The following PCDHGA1 variants were observed in gnomAD, a reference collection of about 807,000 sequenced individuals.
PCDHGA1 encodes protocadherin gamma-A1.
A neutral mutation model predicts 58.0 loss-of-function variants in PCDHGA1; 32 were observed. The observed-to-expected ratio is 0.55, with a 90% CI of 0.42 to 0.74. PCDHGA1 has a LOEUF of 0.74. Among genes scored for constraint, PCDHGA1 ranks in the 30% least tolerant of loss-of-function variants. PCDHGA1 has a pLI of 0.00. For missense variants in PCDHGA1, 1,205 were observed against 1,182.3 expected, an observed-to-expected ratio of 1.02 and a Z score of -0.28; for synonymous variants, 498 against 501.1, an observed-to-expected ratio of 0.99 and a Z score of 0.08.
At chr5:141,404,196 C>T in intron 1 of PCDHGA1, 3 of 1,613,466 alleles carry the variant, frequency 1.9e-6, no homozygotes, top group Non-Finnish European at 1.7e-6. Context: ...CGAGAAAAAG[C>T]CTCAGAATAT....
intron 1 of PCDHGA1, among the ~76,000 whole-genome samples, chr5:141,445,429 C>G (rs974775529): frequency 2.6e-5 from 4 of 152,200 alleles, no homozygotes; most frequent in Non-Finnish European, 5.9e-5. Flanking sequence ...ATGCAAGGCA[C>G]TGACCTATGG....
chr5:141,375,655 G>C (rs117560542), intron 1 of PCDHGA1: 2 of 1,614,128 alleles, frequency 1.2e-6, no homozygotes, highest in African/African-American at 2.7e-5. Context: ...ACTATGAGCA[G>C]TTGAGAGACC....
intron 1 of PCDHGA1, chr5:141,484,858 T>A: frequency 4.1e-6 from 1 of 245,806 alleles, no homozygotes; most frequent in Non-Finnish European, 7.8e-6. Context: ...TTTTGGGGGG[T>A]GGGGGAGCGT....
chr5:141,333,582 A>T (rs1355240387), intron 1 of PCDHGA1: 1 of 184,458 alleles, frequency 5.4e-6, no homozygotes, highest in Non-Finnish European at 1.1e-5. Flanking sequence ...ACATTTGAAG[A>T]GGTGAAGATT....
chr5:141,464,271 A>AT (rs1336006891), intron 1 of PCDHGA1, among the ~76,000 whole-genome samples: 1 of 136,538 alleles, frequency 7.3e-6, no homozygotes, highest in Non-Finnish European at 1.5e-5. Flanking sequence ...TCTAAAAAAA[A>AT]AAAAAAGCAA....
chr5:141,342,110 CT>C (rs3840508), intron 1 of PCDHGA1: 131,286 of 151,964 alleles, frequency 0.86, 56,847 homozygotes, highest in Non-Finnish European at 0.88. Context: ...CAGGTTTCTC[CT>C]TTTTTTTTAT....
chr5:141,339,793 C>T lies in PCDHGA1; in HGVS notation c.2421+6688C>T, dbSNP rs1319429933. The T allele has an allele frequency of 4.3e-6, 7 of 1,614,084 alleles. No individual in the cohort carries two copies. The African/African-American group carries it at 5.3e-5, about 12-fold the overall frequency. ...CCACTGACGCAGATGAGGGCTACTA[C>T]GCTCAAGTGGTATATTTTCTAGAGA... is the stretch of plus-strand genomic sequence containing the variant. On this transcript the variant is annotated intron_variant, in intron 1 of 3. Transcript: ENST00000517417.
Position 141,332,643 on chromosome 5 carries a change from G to A in PCDHGA1, c.1959G>A (p.Pro653=), listed in dbSNP as rs62378403. 6.2e-7 allele frequency: 1 copy of A among 1,612,464 alleles called. No homozygotes were observed. The highest frequency in any genetic ancestry group is 8.5e-7 in the Non-Finnish European group (1 of 1,179,662). Residue 653 remains proline, a synonymous_variant, in exon 1 of 4, where the codon CCG becomes CCA. Transcript: ENST00000517417. The surrounding 1 kb of genome is among the most constrained non-coding windows in gnomAD (Gnocchi z 4.6). ...VVAVQDHGQP[P]LSATVTLTVA... is the part of the protein sequence containing the mutation. The stretch of plus-strand genomic sequence containing the variant: ...CCGTCCAGGACCACGGCCAGCCCCC[G>A]CTCTCCGCCACTGTCACGCTCACCG...
chr5:141,432,763 C>T lies in PCDHGA1; in HGVS notation c.2422-62044C>T. The T allele has an allele frequency of 6.2e-7, 1 of 1,614,152 alleles. No homozygotes were observed. The highest frequency in any genetic ancestry group is 8.5e-7 in the Non-Finnish European group (1 of 1,180,004). ...TCACCGTGGCCGTGGCCGACAGCAT[C>T]CCCCAAGTCCTGGCGGACCTCGGCA... On this transcript the variant is annotated intron_variant, in intron 1 of 3. Transcript: ENST00000517417. This position sits in a 1 kb window ranked among gnomAD's most constrained non-coding sequence, Gnocchi z 6.0.
At chr5:141,366,613 G>A (rs555802357) in intron 1 of PCDHGA1, 93 of 1,614,096 alleles carry the variant, frequency 5.8e-5, no homozygotes, top group African/African-American at 8.0e-5. Context: ...CCCTCACCGC[G>A]GACTCGAGGA....
intron 1 of PCDHGA1, chr5:141,360,053 A>G: frequency 6.9e-7 from 1 of 1,439,336 alleles, no homozygotes; most frequent in Non-Finnish European, 9.2e-7. Flanking sequence ...AAACAAAAGC[A>G]GGAAAAGTGA....
At position 141,423,606 on chromosome 5, in the gene PCDHGA1, G is replaced by A. The variant is rs945897368; in HGVS notation, c.2422-71201G>A. 9 of 1,612,046 alleles carry A rather than the reference G, an allele frequency of 5.6e-6. No individual in the cohort carries two copies. In the Admixed American group the frequency reaches 1.0e-4, roughly 18 times the overall value. On this transcript the variant is annotated intron_variant, in intron 1 of 3. Transcript: ENST00000517417. ...GCTGTGAGAAAAGCGAGCCACTCTT[G>A]ATAGCTGAAGACTCAGCTATCATTT...
intron 1 of PCDHGA1, chr5:141,351,023 G>A: frequency 3.7e-6 from 6 of 1,614,056 alleles, no homozygotes; most frequent in Non-Finnish European, 5.1e-6. Flanking sequence ...CGTACCGTGG[G>A]GAACCTCCGT....
chr5:141,403,405 T>A, intron 1 of PCDHGA1: 4 of 1,614,060 alleles, frequency 2.5e-6, no homozygotes, highest in Non-Finnish European at 3.4e-6. Flanking sequence ...CTGGAGCACG[T>A]TATCCACTTC....
chr5:141,354,903 T>G, intron 1 of PCDHGA1: 1 of 399,854 alleles, frequency 2.5e-6, no homozygotes, highest in Non-Finnish European at 4.4e-6. Context: ...GAAATAGGAA[T>G]AGAAAAGTGT....
At chr5:141,471,185 A>G (rs58340688) in intron 1 of PCDHGA1, 16,257 of 151,174 alleles carry the variant, frequency 0.11, 890 homozygotes, top group South Asian at 0.15. Context: ...TAGTAGCTGG[A>G]ATTACAGGCA....
At chr5:141,420,370 T>A in intron 1 of PCDHGA1, 1 of 1,352,032 alleles carries the variant, frequency 7.4e-7, no homozygotes, top group South Asian at 1.8e-5. Flanking sequence ...GATAACTTCT[T>A]CATAGAGTTC....
In PCDHGA1 at chr5:141,404,747, G is replaced by A. The variant is rs142282950; in HGVS notation, c.2421+71642G>A. 3.0e-4 allele frequency: 483 copies of A among 1,614,062 alleles called. 2 individuals carry two copies. The African/African-American group carries it at 5.3e-3, about 18-fold the overall frequency. On this transcript the variant is annotated intron_variant, in intron 1 of 3. Coordinates refer to ENST00000517417, the MANE Select transcript of PCDHGA1 (RefSeq NM_018912.3). ...GGTGGTGGCAGTGGACAGAGACTCA[G>A]GCCAGAATGCTTGGCTCTCCTACCG...
chr5:141,365,907 G>A, intron 1 of PCDHGA1: 1 of 1,614,196 alleles, frequency 6.2e-7, no homozygotes, highest in Non-Finnish European at 8.5e-7. Context: ...GAGCAGTTGA[G>A]AGACCTACAG....
Sources: allele counts gnomAD v4.1 joint callset (sites outside exome capture counted in the v4.1 genomes callset), GRCh38; gene constraint gnomAD v4.1.1; non-coding constraint Gnocchi (gnomAD v3.1); transcripts MANE v1.5; gene names NCBI Gene and HGNC (gene_info 2026-07-23, HGNC 2026-07-21).